PHF21A: variants seen among roughly 807,000 people sequenced by gnomAD.
PHF21A encodes PHD finger protein 21A, also known as BHC80a.
PHF21A carries 11 observed loss-of-function variants against 82.5 expected under a neutral mutation model. The ratio of observed to expected loss-of-function variants is 0.13; its 90% confidence interval spans 0.08 to 0.22. The LOEUF (loss-of-function observed/expected upper bound fraction) is 0.22. PHF21A is among the 10% of genes least tolerant of loss of function. The probability of loss-of-function intolerance (pLI) is 1.00; values close to 1 mark genes in which losing one functional copy is unlikely to be tolerated. For missense variants in PHF21A, 579 were observed against 837.8 expected (o/e 0.69, Z 3.81); for synonymous variants, 297 against 302.8 (o/e 0.98, Z 0.20).
chr11:46,066,095 C>T (rs919081512), intron 6 of PHF21A, among the ~76,000 whole-genome samples: 2 of 152,110 alleles, frequency 1.3e-5, no homozygotes, highest in Admixed American at 6.5e-5. Context: ...GTCTCATAAA[C>T]ATGTTGAACA....
chr11:45,994,538 G>C (rs2094835428), intron 6 of PHF21A, among the ~76,000 whole-genome samples: 1 of 152,152 alleles, frequency 6.6e-6, no homozygotes, highest in South Asian at 2.1e-4. Flanking sequence ...CTGTGTAAGT[G>C]ACGCAGCCAT....
chr11:45,955,318 C>T (rs1042965694), intron 10 of PHF21A, among the ~76,000 whole-genome samples: 4 of 151,662 alleles, frequency 2.6e-5, no homozygotes, highest in African/African-American at 9.7e-5. Flanking sequence ...ACTTTTTAAT[C>T]AAAAAGGACA....
intron 15 of PHF21A, among the ~76,000 whole-genome samples, chr11:45,939,701 G>A (rs542103822): frequency 6.7e-6 from 1 of 148,190 alleles, no homozygotes; most frequent in East Asian, 2.0e-4. Context: ...AAGTCTGCTG[G>A]AGCCTCTGAA....
chr11:46,076,986 A>G, intron 5 of PHF21A, 167 bp from the exon 6 acceptor site: 2 of 534,840 alleles, frequency 3.7e-6, no homozygotes, highest in Non-Finnish European at 6.7e-6. Context: ...CACCTAATGC[A>G]CAGATCCTAA....
At chr11:46,115,632 G>A (rs1475297264) in intron 1 of PHF21A, among the ~76,000 whole-genome samples, 3 of 152,088 alleles carry the variant, frequency 2.0e-5, no homozygotes, top group Non-Finnish European at 2.9e-5. Context: ...AAAAGCTCCT[G>A]AGAAGTCAAC....
intron 6 of PHF21A, among the ~76,000 whole-genome samples, chr11:46,075,756 T>C (rs1028997583): frequency 6.6e-6 from 1 of 152,232 alleles, no homozygotes; most frequent in Non-Finnish European, 1.5e-5. Flanking sequence ...TTCCACATAA[T>C]TCTCAAAGTT....
chr11:46,093,551 G>A (rs183850086), intron 1 of PHF21A, among the ~76,000 whole-genome samples: 35 of 152,252 alleles, frequency 2.3e-4, no homozygotes, highest in African/African-American at 7.2e-4. Flanking sequence ...TAATCACCAA[G>A]GTTAGGATGA....
At chr11:46,090,616 T>G (rs2096912646) in intron 2 of PHF21A, 50 bp from the exon 3 acceptor site, 1 of 152,186 alleles carries the variant, frequency 6.6e-6, no homozygotes, top group Admixed American at 6.5e-5. Context: ...ATTTCCCAAA[T>G]TACTTGACCA....
At chr11:45,972,575 C>A (rs999571464) in intron 7 of PHF21A, among the ~76,000 whole-genome samples, 1 of 152,134 alleles carries the variant, frequency 6.6e-6, no homozygotes, top group Non-Finnish European at 1.5e-5. Context: ...GTCAGGAGTT[C>A]GAGACTAGCC....
chr11:46,076,889 A>G, intron 5 of PHF21A, 70 bp from the exon 6 acceptor site: 5 of 1,207,386 alleles, frequency 4.1e-6, no homozygotes, highest in Non-Finnish European at 6.1e-6. Context: ...CAGGAAGACT[A>G]TGCATACTGC....
At position 45,969,877 on chromosome 11, in the gene PHF21A, T is replaced by C; in HGVS notation, c.640A>G (p.Ile214Val). 6.2e-7 allele frequency: 1 copy of C among 1,613,866 alleles called. No individual in the cohort carries two copies. Residue 214 changes from isoleucine (I) to valine (V), a missense_variant, in exon 9 of 19, where the codon ATC becomes GTC. By Grantham distance (29) the Ile-to-Val change is conservative. Coordinates refer to ENST00000676320, the MANE Select transcript of PHF21A (RefSeq NM_001352027.3). ...LQVQATPPQPIKVPQFIPPPR... is the reference protein window; with the variant it reads ...LQVQATPPQPVKVPQFIPPPR... ...GGGGGGATAAACTGTGGTACTTTGA[T>C]GGGCTGAGGAGGTGTTGCCTGAACC...
At chr11:46,098,668 C>CA (rs1328845119) in intron 1 of PHF21A, among the ~76,000 whole-genome samples, 2 of 152,104 alleles carry the variant, frequency 1.3e-5, no homozygotes, top group Admixed American at 6.6e-5. Flanking sequence ...CAAGACAACT[C>CA]AAACTCTATC....
At chr11:45,938,382 C>T in intron 15 of PHF21A, 70 bp from the exon 16 acceptor site, 13 of 1,233,742 alleles carry the variant, frequency 1.1e-5, no homozygotes, top group Non-Finnish European at 1.5e-5. Context: ...CATGCACATT[C>T]TAGATGCATA....
At chr11:45,957,417 T>C (rs966251319) in intron 10 of PHF21A, among the ~76,000 whole-genome samples, 1 of 152,002 alleles carries the variant, frequency 6.6e-6, no homozygotes, top group Admixed American at 6.6e-5. Flanking sequence ...TTAGAAAGAC[T>C]AGAATCACAT....
At chr11:46,110,945 C>T (rs1207296000) in intron 1 of PHF21A, among the ~76,000 whole-genome samples, 1 of 151,762 alleles carries the variant, frequency 6.6e-6, no homozygotes, top group Admixed American at 6.6e-5. Flanking sequence ...GCCACCACGC[C>T]CAGCTAATTT....
chr11:46,012,933 T>A (rs183110833), intron 6 of PHF21A, among the ~76,000 whole-genome samples: 128 of 152,334 alleles, frequency 8.4e-4, no homozygotes, highest in African/African-American at 3.0e-3. Context: ...CTGCTGTACT[T>A]CAGTCCTCAT....
rs1483118779 is a variant in PHF21A, at chr11:45,934,178, C to T, written c.1836G>A (p.Met612Ile). The change falls in exon 19 of 19, where the codon ATG (methionine) becomes ATA (isoleucine). Residue 612 changes from methionine to isoleucine, a missense_variant. Met to Ile is a conservative substitution (Grantham distance 10). This residue lies in a region of PHF21A where 157 missense variants were observed against 149.4 expected (regional missense o/e 1.05). Transcript: ENST00000676320. ...KNTILARQKE[M>I]HSSLEKVKQL... ...GTTTTACCTTCTCCAGGGAGCTGTG[C>T]ATCTCCTTCTGCCGGGCCAGGATGG... 1.2e-6 allele frequency: 2 copies of T among 1,613,858 alleles called. No homozygotes were observed. The highest frequency in any genetic ancestry group is 2.7e-5 in the African/African-American group (2 of 74,920).
chr11:46,029,230 C>G (rs1306627218), intron 6 of PHF21A, among the ~76,000 whole-genome samples: 1 of 152,182 alleles, frequency 6.6e-6, no homozygotes, highest in African/African-American at 2.4e-5. Context: ...ATTAATTCTA[C>G]TTGATACTGA....
chr11:46,064,691 A>G (rs981036992), intron 6 of PHF21A, among the ~76,000 whole-genome samples: 3 of 152,238 alleles, frequency 2.0e-5, no homozygotes, highest in Non-Finnish European at 4.4e-5. Flanking sequence ...CATTTAACAT[A>G]TTCAACATTT....
Sources: allele counts gnomAD v4.1 joint callset (sites outside exome capture counted in the v4.1 genomes callset), GRCh38; gene constraint gnomAD v4.1.1; regional missense constraint gnomAD v4.1.1; transcripts MANE v1.5; gene names NCBI Gene and HGNC (gene_info 2026-07-23, HGNC 2026-07-21).